CCN6: variants seen among roughly 807,000 people sequenced by gnomAD.
The protein encoded by CCN6 is cellular communication network factor 6, also known as CCN family member 6.
Under a neutral mutation model 37.4 loss-of-function variants are expected in CCN6, and 31 were observed. That is an observed-to-expected ratio of 0.83 (90% confidence interval 0.62 to 1.12). The LOEUF is 1.12. Ranked by LOEUF, CCN6 falls within the 50% of genes most tolerant of loss-of-function variation. CCN6 has a pLI of 0.00. For synonymous variants in CCN6, 137 were observed against 142.1 expected, an observed-to-expected ratio of 0.96 and a Z score of 0.26; for missense variants, 369 against 413.8, an observed-to-expected ratio of 0.89 and a Z score of 0.94.
At chr6:112,054,747 C>T (rs1554311502) in intron 1 of CCN6, 1 of 286,010 alleles carries the variant, frequency 3.5e-6, no homozygotes, top group African/African-American at 2.2e-5. Context: ...CATGCCAGCT[C>T]CAGGCGGAGG....
At chr6:112,062,810 A>G (rs1285407809) in intron 2 of CCN6, among the ~76,000 whole-genome samples, 1 of 152,186 alleles carries the variant, frequency 6.6e-6, no homozygotes, top group Non-Finnish European at 1.5e-5. Flanking sequence ...ATGATCCCTG[A>G]TCAAGAGCAA....
At chr6:112,055,891 A>G (rs1776334937) in intron 1 of CCN6, among the ~76,000 whole-genome samples, 1 of 152,122 alleles carries the variant, frequency 6.6e-6, no homozygotes, top group South Asian at 2.1e-4. Context: ...CCTCCGGCCC[A>G]AGGGTGCTTT....
intron 3 of CCN6, among the ~76,000 whole-genome samples, 172 bp from the exon 4 acceptor site, chr6:112,068,033 G>A (rs587617167): frequency 6.6e-6 from 1 of 152,144 alleles, no homozygotes; most frequent in East Asian, 1.9e-4. Flanking sequence ...GTTAATTTTG[G>A]GGTTGGGAAA....
chr6:112,060,229 C>T (rs1776472954), intron 1 of CCN6, among the ~76,000 whole-genome samples: 1 of 152,050 alleles, frequency 6.6e-6, no homozygotes, highest in Non-Finnish European at 1.5e-5. Flanking sequence ...TATGAACTGG[C>T]TTATTTTTAA....
intron 3 of CCN6, 51 bp from the exon 4 acceptor site, chr6:112,068,154 A>G: frequency 7.3e-7 from 1 of 1,368,972 alleles, no homozygotes; most frequent in Non-Finnish European, 1.0e-6. Flanking sequence ...TTATCTATTT[A>G]TACAAGTACA....
intron 3 of CCN6, chr6:112,066,997 T>G: frequency 7.3e-7 from 1 of 1,366,414 alleles, no homozygotes; most frequent in Middle Eastern, 2.1e-4. Flanking sequence ...ATCTGCTTCC[T>G]GCATTGAGGT....
In CCN6 at chr6:112,061,126, C is replaced by T. The variant is rs1554312766; in HGVS notation, c.184C>T (p.Pro62Ser). 1 of 1,614,088 alleles carries T rather than the reference C, an allele frequency of 6.2e-7. No homozygotes were observed. The highest frequency in any genetic ancestry group is 1.1e-5 in the South Asian group (1 of 91,078). Residue 62 changes from proline (P) to serine (S), a missense_variant, in exon 2 of 5, where the codon CCT (proline) becomes TCT (serine). By Grantham distance (74) the Pro-to-Ser change is moderately conservative. Transcript: ENST00000368666. The stretch of plus-strand genomic sequence containing the variant: ...ATGCCCTCAGCAGAAGCCCCGTTGC[C>T]CTCCTGGAGTGAGCCTGGTGAGAGA... ...CKCPQQKPRCPPGVSLVRDGC... is the reference protein window; with the variant it reads ...CKCPQQKPRCSPGVSLVRDGC...
chr6:112,059,298 A>G (rs782816438), intron 1 of CCN6, among the ~76,000 whole-genome samples: 1 of 152,214 alleles, frequency 6.6e-6, no homozygotes, highest in African/African-American at 2.4e-5. Context: ...TTAAAACAAC[A>G]TGATTATCTA....
intron 1 of CCN6, chr6:112,060,060 C>G (rs79985223): frequency 7.3e-7 from 1 of 1,366,002 alleles, no homozygotes; most frequent in South Asian, 1.1e-5. Flanking sequence ...AGAACAAGGA[C>G]GCTGGTGTGG....
intron 1 of CCN6, among the ~76,000 whole-genome samples, chr6:112,057,206 T>C (rs190925665): frequency 2.0e-5 from 3 of 152,278 alleles, no homozygotes; most frequent in Admixed American, 2.0e-4. Context: ...GTGTGAGAGC[T>C]AAAGCTCAAG....
Position 112,054,402 on chromosome 6 carries a change from A to G in CCN6, c.45A>G (p.Ala15=), listed in dbSNP as rs781939180. ...CCACTCTTCTGCTTGCTGGCCTGGC[A>G]CAGGTAAGTCCTCTCCCCCGACTCT... ...LFSTLLLAGL[A]QFCCRVQGTG... Residue 15 remains alanine (A), a synonymous_variant, in exon 1 of 5, where the codon GCA becomes GCG. Transcript: ENST00000368666. The G allele has an allele frequency of 3.1e-6, 5 of 1,613,468 alleles. No individual in the cohort carries two copies. In the South Asian group the frequency reaches 5.5e-5, roughly 18 times the overall value.
At chr6:112,067,139 C>A in intron 3 of CCN6, 2 of 812,012 alleles carry the variant, frequency 2.5e-6, no homozygotes, top group Non-Finnish European at 3.4e-6. Flanking sequence ...AAATAGAGCA[C>A]ATACTTTAAA....
chr6:112,054,266 T>C lies in CCN6; in HGVS notation c.-92T>C, dbSNP rs782429771. On this transcript the variant is annotated 5_prime_UTR_variant, in exon 1 of 5. Coordinates refer to ENST00000368666, the MANE Select transcript of CCN6 (RefSeq NM_198239.2). ...GTTCTTGTGCAGAGGAGCGTGGGGT[T>C]TGCAGAGGAGACAGGGGAGCTTTGT... 6.3e-7 allele frequency: 1 copy of C among 1,580,910 alleles called. No individual in the cohort carries two copies. The highest frequency in any genetic ancestry group is 8.7e-7 in the Non-Finnish European group (1 of 1,149,948).
At chr6:112,063,207 G>T (rs1362253156) in intron 2 of CCN6, among the ~76,000 whole-genome samples, 1 of 152,116 alleles carries the variant, frequency 6.6e-6, no homozygotes, top group African/African-American at 2.4e-5. Context: ...GCATCACACA[G>T]ATATGTAATT....
intron 3 of CCN6, among the ~76,000 whole-genome samples, chr6:112,067,505 C>G (rs1365612356): frequency 1.3e-5 from 2 of 152,140 alleles, no homozygotes; most frequent in African/African-American, 4.8e-5. Context: ...ACTGACCCAT[C>G]TATTGATCCA....
chr6:112,054,415 C>T lies in CCN6; in HGVS notation c.48+10C>T, dbSNP rs1554311400. ...TGCTGGCCTGGCACAGGTAAGTCCT[C>T]TCCCCCGACTCTTTCCCTTCCGGAG... On this transcript the variant is annotated intron_variant, in intron 1 of 4. Coordinates refer to ENST00000368666, the MANE Select transcript of CCN6 (RefSeq NM_198239.2). 6.2e-7 allele frequency: 1 copy of T among 1,612,996 alleles called. No individual in the cohort carries two copies. Among genetic ancestry groups the T allele is most frequent in the South Asian group, 1.1e-5 (1 of 91,004 alleles).
rs782725050 is a variant in CCN6 at position 112,060,038 on chromosome 6, G to A, written c.49-953G>A. On this transcript the variant is annotated intron_variant, in intron 1 of 4. Coordinates refer to ENST00000368666, the MANE Select transcript of CCN6 (RefSeq NM_198239.2). ...ATGAAGATATCTAGGGGCAGAGTGT[G>A]CTTGGAGTCAGAGAACAAGGACGCT... is the stretch of plus-strand genomic sequence containing the variant. 1.9e-5 allele frequency: 26 copies of A among 1,366,584 alleles called. No homozygotes were observed. In the East Asian group the frequency reaches 4.6e-4, roughly 24 times the overall value. The allele number at this position is 1,366,584 out of a possible 1,614,324, so 84.7% of individuals were successfully genotyped here.
chr6:112,057,262 C>T (rs587685178), intron 1 of CCN6, among the ~76,000 whole-genome samples: 1 of 152,278 alleles, frequency 6.6e-6, no homozygotes, highest in African/African-American at 2.4e-5. Flanking sequence ...GAAGTTTAGG[C>T]TGCACAGTAT....
At chr6:112,069,310 G>T in intron 4 of CCN6, 29 bp from the exon 5 acceptor site, 1 of 1,606,414 alleles carries the variant, frequency 6.2e-7, no homozygotes, top group Non-Finnish European at 8.5e-7. Context: ...AAAATTTAAA[G>T]AATGACTTCA....
Sources: allele counts gnomAD v4.1 joint callset (sites outside exome capture counted in the v4.1 genomes callset), GRCh38; gene constraint gnomAD v4.1.1; transcripts MANE v1.5; gene names NCBI Gene and HGNC (gene_info 2026-07-23, HGNC 2026-07-21).